The following DPY19L4 variants were observed in gnomAD, a reference collection of about 807,000 sequenced individuals.
DPY19L4 encodes the protein dpy-19 like 4.
Under a neutral mutation model 102.8 loss-of-function variants are expected in DPY19L4, and 97 were observed. That is an observed-to-expected ratio of 0.94 (90% CI 0.80 to 1.12). The LOEUF is 1.12. Among genes scored for constraint, DPY19L4 ranks in the 50% most tolerant of loss-of-function variants. The pLI is 0.00. For synonymous variants in DPY19L4, 252 were observed against 283.1 expected, an observed-to-expected ratio of 0.89 and a Z score of 1.10; for missense variants, 815 against 850.4, an observed-to-expected ratio of 0.96 and a Z score of 0.52.
intron 1 of DPY19L4, among the ~76,000 whole-genome samples, chr8:94,720,828 A>T (rs1810423479): frequency 6.6e-6 from 1 of 152,224 alleles, no homozygotes; most frequent in Non-Finnish European, 1.5e-5. Context: ...AACCCCTACT[A>T]GTTTCAGGAA....
intron 7 of DPY19L4, among the ~76,000 whole-genome samples, chr8:94,760,689 G>A (rs768493191): frequency 1.2e-4 from 18 of 152,144 alleles, no homozygotes; most frequent in Non-Finnish European, 2.1e-4. Flanking sequence ...CTCCTTCACT[G>A]TTCTTATCTG....
At chr8:94,759,060 G>A (rs1289368939) in intron 7 of DPY19L4, among the ~76,000 whole-genome samples, 2 of 152,090 alleles carry the variant, frequency 1.3e-5, no homozygotes, top group African/African-American at 4.8e-5. Context: ...GAATGAAGCC[G>A]CGGACCCTTG....
At position 94,746,879 on chromosome 8, in the gene DPY19L4, C is replaced by T. The variant is rs182565626; in HGVS notation, c.611+7089C>T. On this transcript the variant is annotated intron_variant, in intron 6 of 18. Coordinates refer to ENST00000414645, the MANE Select transcript of DPY19L4 (RefSeq NM_181787.3). Reference sequence around the variant, plus strand: ...ACAGGTTCATTCGTTTCTTTTCTTGCTTTCTTTCTTTCTTTTTCTTTCTTT... The same window carrying T: ...ACAGGTTCATTCGTTTCTTTTCTTGTTTTCTTTCTTTCTTTTTCTTTCTTT... Among the ~76,000 whole-genome samples the T allele has an allele frequency of 3.3e-3, 468 of 141,814 alleles. 1 individual carries two copies. Among genetic ancestry groups the T allele is most frequent in the Non-Finnish European group, 5.3e-3 (334 of 62,676 alleles). The allele number at this position is 141,814 out of a possible 152,430, so 93.0% of individuals were successfully genotyped here.
At chr8:94,739,592 A>G (rs770555245) in intron 5 of DPY19L4, 53 bp from the exon 6 acceptor site, 102 of 1,601,904 alleles carry the variant, frequency 6.4e-5, no homozygotes, top group Non-Finnish European at 7.9e-5. Flanking sequence ...TGAATCCTCA[A>G]ATTATTTAAT....
rs749673091 is a variant in DPY19L4 at position 94,726,355 on chromosome 8, G to GA, written c.47dup (p.Pro17AlafsTer7). 1.9e-6 allele frequency: 3 copies of GA among 1,610,452 alleles called. No individual in the cohort carries two copies. The highest frequency in any genetic ancestry group is 2.5e-6 in the Non-Finnish European group (3 of 1,179,176). On this transcript the variant is annotated frameshift_variant, in exon 2 of 19. Transcript: ENST00000414645. LOFTEE classifies it high-confidence loss of function. ...GGACCACCTGTAGAGCTGCGCCAAAGAAAAAAGCCAAAGTCTTCAGAAAAT... is the reference window on the plus strand; with the variant it reads ...GGACCACCTGTAGAGCTGCGCCAAAGAAAAAAAGCCAAAGTCTTCAGAAAAT...
intron 1 of DPY19L4, chr8:94,720,260 G>A: frequency 1.0e-6 from 1 of 985,356 alleles, no homozygotes; most frequent in Non-Finnish European, 1.2e-6. Flanking sequence ...TTGGGAATCC[G>A]TAGCAAGAGA....
rs112342832 is a variant in DPY19L4, at chr8:94,736,066, C to G, written c.252+1312C>G. Among the ~76,000 whole-genome samples, 951 of 152,260 alleles carry G rather than the reference C, an allele frequency of 6.2e-3. 14 individuals are homozygous for G. Among genetic ancestry groups the G allele is most frequent in the African/African-American group, 0.021 (884 of 41,540 alleles). Reference sequence around the variant, plus strand: ...GAAAAGTCCTAGATCAAGGCATGGGCAGATTTGGTGTCTGGTGAGGGCTTG... The same window carrying G: ...GAAAAGTCCTAGATCAAGGCATGGGGAGATTTGGTGTCTGGTGAGGGCTTG... On this transcript the variant is annotated intron_variant, in intron 3 of 18. Transcript: ENST00000414645.
At chr8:94,767,669 T>A (rs1284804539) in intron 11 of DPY19L4, among the ~76,000 whole-genome samples, 3 of 152,182 alleles carry the variant, frequency 2.0e-5, no homozygotes, top group African/African-American at 7.2e-5. Flanking sequence ...GGTTTACATT[T>A]CAGATTTTAT....
At chr8:94,778,200 A>G (rs1328217993) in intron 14 of DPY19L4, among the ~76,000 whole-genome samples, 1 of 152,108 alleles carries the variant, frequency 6.6e-6, no homozygotes, top group African/African-American at 2.4e-5. Flanking sequence ...TCACCACTGC[A>G]CTACAGCCTG....
intron 17 of DPY19L4, among the ~76,000 whole-genome samples, chr8:94,784,900 A>C (rs1425758933): frequency 6.6e-6 from 1 of 152,226 alleles, no homozygotes; most frequent in Non-Finnish European, 1.5e-5. Flanking sequence ...TATAGTTTAG[A>C]TAATGTCTTA....
chr8:94,720,922 C>A (rs1810427434), intron 1 of DPY19L4, among the ~76,000 whole-genome samples: 1 of 150,798 alleles, frequency 6.6e-6, no homozygotes, highest in African/African-American at 2.4e-5. Flanking sequence ...GATAGTAAAT[C>A]GATCTAATTT....
chr8:94,723,154 T>G (rs1164422386), intron 1 of DPY19L4, among the ~76,000 whole-genome samples: 1 of 152,218 alleles, frequency 6.6e-6, no homozygotes, highest in Non-Finnish European at 1.5e-5. Context: ...TGACTTTTTC[T>G]TTACAATGCT....
In DPY19L4 at chr8:94,783,762, C is replaced by G. The variant is rs1221972271; in HGVS notation, c.1808C>G (p.Pro603Arg). 6 of 1,614,072 alleles carry G rather than the reference C, an allele frequency of 3.7e-6. No homozygotes were observed. The highest frequency in any genetic ancestry group is 5.1e-6 in the Non-Finnish European group (6 of 1,179,990). Reference sequence around the variant, plus strand: ...ACTGGATGGATGGTGACAAGTTTGCCTCTTTACAATGATGATGATCTTCTC... The same window carrying G: ...ACTGGATGGATGGTGACAAGTTTGCGTCTTTACAATGATGATGATCTTCTC... Reference protein sequence around the residue: ...LCTGWMVTSLPLYNDDDLLKR... With the variant: ...LCTGWMVTSLRLYNDDDLLKR... Residue 603 changes from proline (P) to arginine (R), a missense_variant, in exon 17 of 19, where the codon CCT (proline) becomes CGT (arginine). Pro to Arg is a moderately radical substitution (Grantham distance 103, BLOSUM62 -2). Coordinates refer to ENST00000414645, the MANE Select transcript of DPY19L4 (RefSeq NM_181787.3).
At position 94,770,558 on chromosome 8, in the gene DPY19L4, A is replaced by T. The variant is rs149176074; in HGVS notation, c.1441A>T (p.Met481Leu). ...CACTATTTTATTGGGTTCTCTTGCA[A>T]TGGTTATAGAAGGGTAAGTGTACTT... ...IHTILLGSLA[M>L]VIEGLKYIWI... Residue 481 changes from methionine (M) to leucine (L), a missense_variant, in exon 13 of 19, where the codon ATG (methionine) becomes TTG (leucine). Coordinates refer to ENST00000414645, the MANE Select transcript of DPY19L4 (RefSeq NM_181787.3). 5.1e-4 allele frequency: 824 copies of T among 1,612,798 alleles called. No homozygotes were observed. Among genetic ancestry groups the T allele is most frequent in the Non-Finnish European group, 6.5e-4 (767 of 1,179,648 alleles).
intron 13 of DPY19L4, among the ~76,000 whole-genome samples, chr8:94,771,806 T>C (rs1198456381): frequency 6.6e-6 from 1 of 152,230 alleles, no homozygotes. Context: ...TTGAGGACTT[T>C]GGAGTTTTCC....
chr8:94,765,477 A>G (rs1384296550), intron 9 of DPY19L4, among the ~76,000 whole-genome samples, 163 bp downstream of exon 9: 3 of 151,994 alleles, frequency 2.0e-5, no homozygotes, highest in African/African-American at 7.2e-5. Context: ...CTGGGATTAC[A>G]AGCATGCGCC....
intron 6 of DPY19L4, among the ~76,000 whole-genome samples, chr8:94,751,364 C>T (rs1017642944): frequency 1.4e-4 from 21 of 151,252 alleles, no homozygotes; most frequent in African/African-American, 3.6e-4. Context: ...ATGATCCACC[C>T]GCCTCAGCCT....
At chr8:94,778,510 A>G (rs1333921326) in intron 14 of DPY19L4, among the ~76,000 whole-genome samples, 3 of 152,068 alleles carry the variant, frequency 2.0e-5, no homozygotes, top group African/African-American at 4.8e-5. Context: ...AGATAATAAG[A>G]ATTCGGCCCT....
At chr8:94,746,865 C>T (rs921054832) in intron 6 of DPY19L4, among the ~76,000 whole-genome samples, 12 of 152,008 alleles carry the variant, frequency 7.9e-5, no homozygotes, top group African/African-American at 1.7e-4. Context: ...CAGGTTCATT[C>T]GTTTCTTTTC....
Sources: gnomAD v4.1 joint callset for allele counts (sites outside exome capture counted in the v4.1 genomes callset) on GRCh38, gnomAD v4.1.1 for gene constraint, MANE v1.5 for transcripts, NCBI Gene and HGNC (gene_info 2026-07-23, HGNC 2026-07-21) for gene names.